Variants in LRMDA observed in about 807,000 individuals in gnomAD.
The protein encoded by LRMDA is leucine-rich melanocyte differentiation-associated protein.
LRMDA carries 18 observed loss-of-function variants against 29.8 expected under a neutral mutation model. That is an observed-to-expected ratio of 0.60 (90% confidence interval 0.42 to 0.90). LRMDA has a LOEUF of 0.90. Ranked by LOEUF, LRMDA falls within the 40% of genes least tolerant of loss-of-function variation. The pLI is 0.00. For missense variants in LRMDA, 273 were observed against 273.9 expected (o/e 1.00, Z 0.02); for synonymous variants, 125 against 109.4 (o/e 1.14, Z -0.89).
At chr10:76,016,947 G>T (rs1214673123) in intron 2 of LRMDA, among the ~76,000 whole-genome samples, 1 of 152,168 alleles carries the variant, frequency 6.6e-6, no homozygotes. Flanking sequence ...AAGAATAGTA[G>T]TAACTTAGAA....
At chr10:76,027,463 C>T (rs887740785) in intron 2 of LRMDA, among the ~76,000 whole-genome samples, 2 of 152,106 alleles carry the variant, frequency 1.3e-5, no homozygotes, top group African/African-American at 4.8e-5. Flanking sequence ...GACTGATAAA[C>T]TCCTTACCTG....
intron 6 of LRMDA, among the ~76,000 whole-genome samples, chr10:76,473,729 A>T (rs1454985866): frequency 6.6e-6 from 1 of 151,752 alleles, no homozygotes; most frequent in Non-Finnish European, 1.5e-5. Flanking sequence ...AATTAAGAAA[A>T]CAATTCCATT....
intron 2 of LRMDA, among the ~76,000 whole-genome samples, chr10:75,644,405 A>C (rs534009155): frequency 6.6e-6 from 1 of 152,304 alleles, no homozygotes; most frequent in Non-Finnish European, 1.5e-5. Flanking sequence ...TATCACGTTC[A>C]ACCTGGCAAC....
At position 76,253,873 on chromosome 10, in the gene LRMDA, C is replaced by T. The variant is rs915150651; in HGVS notation, c.517-70528C>T. On this transcript the variant is annotated intron_variant, in intron 5 of 6. Transcript: ENST00000611255. ...CTATGTCTCATAAGCTCTCTAGGGC[C>T]TCATTCTTCCATTTCTTTTTTCTTT... Among the ~76,000 whole-genome samples the T allele has an allele frequency of 3.6e-4, 55 of 152,042 alleles. 1 individual carries two copies. Among genetic ancestry groups the T allele is most frequent in the South Asian group, 2.1e-4 (1 of 4,828 alleles).
At chr10:76,019,935 A>G (rs532690834) in intron 2 of LRMDA, among the ~76,000 whole-genome samples, 17 of 152,252 alleles carry the variant, frequency 1.1e-4, no homozygotes, top group African/African-American at 4.1e-4. Context: ...GTCTCAGGAG[A>G]TTCTGGTGCA....
intron 2 of LRMDA, among the ~76,000 whole-genome samples, chr10:75,609,262 T>C (rs563907056): frequency 1.3e-5 from 2 of 152,204 alleles, no homozygotes; most frequent in Admixed American, 6.5e-5. Flanking sequence ...TGCTTGGAAA[T>C]GGGCTTTGTA....
At chr10:75,755,695 T>C (rs1851371587) in intron 2 of LRMDA, among the ~76,000 whole-genome samples, 1 of 152,220 alleles carries the variant, frequency 6.6e-6, no homozygotes, top group African/African-American at 2.4e-5. Flanking sequence ...AAGCAAGCAA[T>C]GCAAAGGTCC....
intron 2 of LRMDA, among the ~76,000 whole-genome samples, chr10:75,977,380 A>G (rs1232371529): frequency 1.3e-5 from 2 of 152,194 alleles, no homozygotes; most frequent in Non-Finnish European, 2.9e-5. Flanking sequence ...AACATGTGCC[A>G]GGCCTGGGAA....
intron 2 of LRMDA, among the ~76,000 whole-genome samples, chr10:75,801,635 G>A (rs1432610407): frequency 6.6e-6 from 1 of 152,206 alleles, no homozygotes; most frequent in Admixed American, 6.5e-5. Flanking sequence ...GAAGCCCTGA[G>A]CAGGACTGAG....
At position 76,265,730 on chromosome 10, in the gene LRMDA, A is replaced by G. The variant is rs73289005; in HGVS notation, c.517-58671A>G. Among the ~76,000 whole-genome samples, 1,110 of 152,240 alleles carry G rather than the reference A, an allele frequency of 7.3e-3. 14 individuals are homozygous for G. Among genetic ancestry groups the G allele is most frequent in the African/African-American group, 0.024 (1,017 of 41,544 alleles). On this transcript the variant is annotated intron_variant, in intron 5 of 6. Transcript: ENST00000611255. ...GGAAGAGTCAGATCTTCAGCTTTCC[A>G]TGTGTGTTGGTTTGATGTTATTACT...
chr10:75,632,192 T>A (rs1332124309), intron 2 of LRMDA, among the ~76,000 whole-genome samples: 1 of 151,980 alleles, frequency 6.6e-6, no homozygotes, highest in East Asian at 1.9e-4. Flanking sequence ...TGAGATAGAG[T>A]CAGAGGGATA....
intron 5 of LRMDA, among the ~76,000 whole-genome samples, chr10:76,088,262 G>T (rs1389829013): frequency 6.6e-6 from 1 of 152,194 alleles, no homozygotes; most frequent in Non-Finnish European, 1.5e-5. Flanking sequence ...AGGACAGGAT[G>T]CTCCTTTCTG....
intron 2 of LRMDA, among the ~76,000 whole-genome samples, chr10:75,697,547 T>C (rs1842251315): frequency 6.6e-6 from 1 of 151,994 alleles, no homozygotes; most frequent in Admixed American, 6.6e-5. Flanking sequence ...ACATAAGTAT[T>C]TTTCAGCAGG....
chr10:75,642,229 T>G (rs987070298), intron 2 of LRMDA, among the ~76,000 whole-genome samples: 8 of 152,228 alleles, frequency 5.3e-5, no homozygotes, highest in Non-Finnish European at 1.2e-4. Flanking sequence ...GTGGTCTTCA[T>G]CTGTTTGAGC....
intron 6 of LRMDA, among the ~76,000 whole-genome samples, chr10:76,547,492 G>T (rs1258268445): frequency 6.6e-6 from 1 of 150,378 alleles, no homozygotes; most frequent in Non-Finnish European, 1.5e-5. Context: ...AATAGTTGCC[G>T]CCATTTATTT....
chr10:76,455,866 T>C (rs1310645939), intron 6 of LRMDA, among the ~76,000 whole-genome samples: 1 of 152,134 alleles, frequency 6.6e-6, no homozygotes, highest in African/African-American at 2.4e-5. Context: ...CCAAGGGATA[T>C]ATCCTGTTGT....
intron 2 of LRMDA, among the ~76,000 whole-genome samples, chr10:75,689,290 A>G (rs552450988): frequency 2.6e-4 from 40 of 152,378 alleles, no homozygotes; most frequent in African/African-American, 9.4e-4. Context: ...ATTGCTGAGC[A>G]GTAGGCTCTG....
intron 2 of LRMDA, among the ~76,000 whole-genome samples, chr10:75,460,820 T>C (rs944943144): frequency 6.6e-6 from 1 of 152,194 alleles, no homozygotes; most frequent in African/African-American, 2.4e-5. Context: ...ATTTACCCAT[T>C]TTCTAATTGA....
chr10:76,067,512 G>A (rs537888178), intron 5 of LRMDA, among the ~76,000 whole-genome samples: 32 of 152,316 alleles, frequency 2.1e-4, no homozygotes, highest in African/African-American at 5.8e-4. Flanking sequence ...GGAGAGTAAA[G>A]TTAGGGTTCT....
Sources: gnomAD v4.1 joint callset for allele counts (sites outside exome capture counted in the v4.1 genomes callset) on GRCh38, gnomAD v4.1.1 for gene constraint, MANE v1.5 for transcripts, NCBI Gene and HGNC (gene_info 2026-07-23, HGNC 2026-07-21) for gene names.